Variants in ZIM2 observed in about 807,000 individuals in gnomAD.
ZIM2 encodes the protein zinc finger imprinted 2.
A neutral mutation model predicts 38.6 loss-of-function variants in ZIM2; 14 were observed. The observed-to-expected ratio is 0.36, with a 90% CI of 0.24 to 0.57. The LOEUF is 0.57. ZIM2 is among the 20% of genes least tolerant of loss of function. The pLI, the probability that ZIM2 is intolerant of heterozygous loss-of-function variation, is 0.81. For synonymous variants in ZIM2, 247 were observed against 245.8 expected, an observed-to-expected ratio of 1.00 and a Z score of -0.04; for missense variants, 680 against 695.1, an observed-to-expected ratio of 0.98 and a Z score of 0.24.
intron 9 of ZIM2, among the ~76,000 whole-genome samples, chr19:56,803,948 C>T (rs532756012): frequency 3.9e-5 from 6 of 152,346 alleles, no homozygotes; most frequent in Admixed American, 3.9e-4. Flanking sequence ...AACAGTTGCA[C>T]TGCAGGCCAT....
chr19:56,791,833 G>C (rs983263459), intron 9 of ZIM2, among the ~76,000 whole-genome samples: 2 of 152,048 alleles, frequency 1.3e-5, no homozygotes, highest in African/African-American at 4.8e-5. Flanking sequence ...CTAATAACTT[G>C]AGTTTCTAAG....
At chr19:56,824,714 C>T in intron 3 of ZIM2, 1 of 1,489,502 alleles carries the variant, frequency 6.7e-7, no homozygotes, top group East Asian at 2.3e-5. Context: ...AAAGACGCGG[C>T]AGCCTGTGAC....
At position 56,800,052 on chromosome 19, in the gene ZIM2, G is replaced by C. The variant is rs577415138; in HGVS notation, c.491-10101C>G. Among the ~76,000 whole-genome samples, 5 of 152,244 alleles carry C rather than the reference G, an allele frequency of 3.3e-5. No homozygotes were observed. In the South Asian group the frequency reaches 8.3e-4, roughly 25 times the overall value. On this transcript the variant is annotated intron_variant, in intron 9 of 12. Transcript: ENST00000629319. ...GACAGAGTTGGAGACTGATTGATGA[G>C]GAGCAAGAGGGAATTTTGGGATTGA...
rs1309297904 is a variant in ZIM2 at position 56,779,434 on chromosome 19, C to G, written c.778G>C (p.Glu260Gln). 3 of 1,613,870 alleles carry G rather than the reference C, an allele frequency of 1.9e-6. No homozygotes were observed. Among genetic ancestry groups the G allele is most frequent in the Non-Finnish European group, 2.5e-6 (3 of 1,179,942 alleles). ...TCCATTGCATATGATTCCTCCTCTTCCAGGCGTGAGATAATGTCAGGTTTA... is the reference window on the plus strand; with the variant it reads ...TCCATTGCATATGATTCCTCCTCTTGCAGGCGTGAGATAATGTCAGGTTTA... The part of the protein sequence containing the change: ...FSKPDIISRL[E>Q]EEESYAMETD... The change falls in exon 12 of 13, where the codon GAA becomes CAA. Residue 260 changes from glutamate (E) to glutamine (Q), a missense_variant. Glu to Gln is a conservative substitution (Grantham distance 29, BLOSUM62 2). Transcript: ENST00000629319.
chr19:56,791,235 A>G (rs1451124031), intron 9 of ZIM2: 4 of 152,196 alleles, frequency 2.6e-5, no homozygotes, highest in African/African-American at 4.8e-5. Context: ...GCCAATTATT[A>G]ATATAAGTTG....
At chr19:56,833,625 T>G in intron 2 of ZIM2, 1 of 173,034 alleles carries the variant, frequency 5.8e-6, no homozygotes, top group Non-Finnish European at 1.2e-5. Flanking sequence ...CTAGGGTGCT[T>G]ATGAAATACG....
chr19:56,810,887 T>A (rs2059492101), intron 9 of ZIM2: 1 of 962,804 alleles, frequency 1.0e-6, no homozygotes, highest in African/African-American at 1.8e-5. Flanking sequence ...TGCACACCAA[T>A]GGAGACACAC....
At chr19:56,816,359 T>C in intron 9 of ZIM2, 1 of 1,614,208 alleles carries the variant, frequency 6.2e-7, no homozygotes, top group South Asian at 1.1e-5. Context: ...GAGCTTTGCA[T>C]GAAGGCATCC....
chr19:56,832,566 A>G (rs145936723), intron 2 of ZIM2, among the ~76,000 whole-genome samples: 2,608 of 152,280 alleles, frequency 0.017, 35 homozygotes, highest in Non-Finnish European at 0.026. Context: ...CTCTCTCTTC[A>G]GAGCAGGACT....
At chr19:56,824,817 G>A (rs940011274) in intron 3 of ZIM2, 9 of 645,536 alleles carry the variant, frequency 1.4e-5, no homozygotes, top group Non-Finnish European at 2.1e-5. Context: ...CTTACCAGAG[G>A]CATCGACAAT....
chr19:56,817,094 T>C (rs780107453), intron 9 of ZIM2: 4 of 1,614,168 alleles, frequency 2.5e-6, no homozygotes, highest in East Asian at 4.5e-5. Context: ...ACATATGGCA[T>C]TGCCCCAAAA....
intron 10 of ZIM2, among the ~76,000 whole-genome samples, chr19:56,787,990 T>C (rs1473206173): frequency 6.6e-6 from 1 of 152,036 alleles, no homozygotes; most frequent in East Asian, 1.9e-4. Context: ...TTCTTCTCTC[T>C]TTTCTCCTTT....
chr19:56,826,245 G>C (rs1457711757), intron 3 of ZIM2, 143 bp downstream of exon 3: 1 of 152,222 alleles, frequency 6.6e-6, no homozygotes, highest in Non-Finnish European at 1.5e-5. Flanking sequence ...CAAGAGCAGA[G>C]GTCTGTGCCT....
chr19:56,813,806 T>C, intron 9 of ZIM2: 1 of 1,614,192 alleles, frequency 6.2e-7, no homozygotes, highest in Non-Finnish European at 8.5e-7. Context: ...GCACGTTCGA[T>C]GTAGCCTGAG....
intron 10 of ZIM2, among the ~76,000 whole-genome samples, chr19:56,784,133 T>C (rs1188850342): frequency 1.3e-5 from 2 of 152,258 alleles, no homozygotes; most frequent in Non-Finnish European, 2.9e-5. Flanking sequence ...AGGTACATTG[T>C]TGTTAGGCTG....
At chr19:56,807,650 G>A (rs1305282847) in intron 9 of ZIM2, among the ~76,000 whole-genome samples, 1 of 152,132 alleles carries the variant, frequency 6.6e-6, no homozygotes, top group East Asian at 1.9e-4. Context: ...AATTGGCTGG[G>A]TGTGGTGGCA....
intron 6 of ZIM2, 75 bp from the exon 7 acceptor site, chr19:56,821,829 T>G (rs905346438): frequency 6.6e-7 from 1 of 1,519,286 alleles, no homozygotes; most frequent in Non-Finnish European, 9.1e-7. Flanking sequence ...CCCACTCAAC[T>G]ATGAAGCCAG....
intron 7 of ZIM2, 67 bp from the exon 8 acceptor site, chr19:56,818,769 T>G: frequency 6.4e-7 from 1 of 1,558,762 alleles, no homozygotes; most frequent in Non-Finnish European, 8.8e-7. Context: ...CAGAATAATG[T>G]TGGCAACATG....
intron 9 of ZIM2, among the ~76,000 whole-genome samples, chr19:56,794,571 TA>T (rs980198042): frequency 5.9e-5 from 9 of 152,386 alleles, no homozygotes; most frequent in African/African-American, 1.7e-4. Flanking sequence ...AAACTGTTTT[TA>T]AAAGTTCTTG....
Sources: allele counts gnomAD v4.1 joint callset (sites outside exome capture counted in the v4.1 genomes callset), GRCh38; gene constraint gnomAD v4.1.1; transcripts MANE v1.5; gene names NCBI Gene and HGNC (gene_info 2026-07-23, HGNC 2026-07-21).